PRDM5: variants seen among roughly 807,000 people sequenced by gnomAD.
PRDM5 encodes PR/SET domain 5.
Under a neutral mutation model 81.2 loss-of-function variants are expected in PRDM5, and 56 were observed. The observed-to-expected ratio is 0.69, with a 90% confidence interval of 0.56 to 0.86. The LOEUF is 0.86. Ranked by LOEUF, PRDM5 falls within the 40% of genes least tolerant of loss-of-function variation. The probability of loss-of-function intolerance (pLI) is 0.00; values close to 1 mark genes in which losing one functional copy is unlikely to be tolerated. For synonymous variants in PRDM5, 267 were observed against 256.4 expected, an observed-to-expected ratio of 1.04 and a Z score of -0.39; for missense variants, 697 against 770.1, an observed-to-expected ratio of 0.91 and a Z score of 1.12.
chr4:120,804,655 G>A (rs1752646881), intron 8 of PRDM5, among the ~76,000 whole-genome samples: 1 of 152,150 alleles, frequency 6.6e-6, no homozygotes, highest in Non-Finnish European at 1.5e-5. Flanking sequence ...AAACCAAAGA[G>A]AACAAAGACA....
At chr4:120,686,763 C>T (rs903116318) in intron 1 of PRDM5, among the ~76,000 whole-genome samples, 1 of 152,032 alleles carries the variant, frequency 6.6e-6, no homozygotes, top group Middle Eastern at 3.4e-3. Flanking sequence ...GTTTTACTTA[C>T]TTTTCTGACT....
At chr4:120,708,663 C>A (rs1294943494) in intron 15 of PRDM5, among the ~76,000 whole-genome samples, 1 of 152,032 alleles carries the variant, frequency 6.6e-6, no homozygotes, top group African/African-American at 2.4e-5. Context: ...TAAAAAAATG[C>A]AGCACCTTGG....
rs530469712 is a variant in PRDM5, at chr4:120,697,860, T to G, written c.1729-2585A>C. Among the ~76,000 whole-genome samples, 9 of 151,182 alleles carry G rather than the reference T, an allele frequency of 6.0e-5. No individual in the cohort carries two copies. In the South Asian group the frequency reaches 1.7e-3, roughly 28 times the overall value. On this transcript the variant is annotated intron_variant, in intron 15 of 15. Coordinates refer to ENST00000264808, the MANE Select transcript of PRDM5 (RefSeq NM_018699.4). Reference sequence around the variant, plus strand: ...AAATACTTAAAGGCAAGAAGAAACATAGAGAAAAGAAAGCAGAATAATAAG... The same window carrying G: ...AAATACTTAAAGGCAAGAAGAAACAGAGAGAAAAGAAAGCAGAATAATAAG...
chr4:120,860,757 C>CT (rs1471768929), intron 2 of PRDM5, among the ~76,000 whole-genome samples: 4 of 152,202 alleles, frequency 2.6e-5, no homozygotes, highest in Admixed American at 2.6e-4. Context: ...TATTTGTTTA[C>CT]TTTTTATTTT....
intron 3 of PRDM5, among the ~76,000 whole-genome samples, chr4:120,829,346 C>G (rs1217119809): frequency 6.6e-6 from 1 of 152,022 alleles, no homozygotes; most frequent in East Asian, 1.9e-4. Context: ...GATATCTAGG[C>G]AATAAATCTA....
chr4:120,871,038 C>G (rs1051747950), intron 2 of PRDM5, among the ~76,000 whole-genome samples: 4 of 152,174 alleles, frequency 2.6e-5, no homozygotes, highest in African/African-American at 7.2e-5. Flanking sequence ...CTCCCGCCAT[C>G]ATCCAGCCTA....
intron 13 of PRDM5, among the ~76,000 whole-genome samples, chr4:120,756,323 G>T (rs1215433838): frequency 1.3e-5 from 2 of 151,920 alleles, no homozygotes; most frequent in African/African-American, 4.8e-5. Context: ...TTATCCTTTG[G>T]TCTTATGCAT....
intron 13 of PRDM5, among the ~76,000 whole-genome samples, chr4:120,758,437 G>A (rs982716987): frequency 6.6e-6 from 1 of 152,122 alleles, no homozygotes; most frequent in Non-Finnish European, 1.5e-5. Flanking sequence ...TGTTGCAAAC[G>A]TTACTGGAGT....
At chr4:120,878,047 T>C (rs1456549036) in intron 2 of PRDM5, among the ~76,000 whole-genome samples, 2 of 152,234 alleles carry the variant, frequency 1.3e-5, no homozygotes, top group Non-Finnish European at 2.9e-5. Context: ...ACAGATATTA[T>C]ACGTCCATAT....
chr4:120,695,674 CTA>C (rs1734442263), intron 15 of PRDM5, among the ~76,000 whole-genome samples: 2 of 152,108 alleles, frequency 1.3e-5, no homozygotes, highest in Admixed American at 1.3e-4. Flanking sequence ...TTATTACACA[CTA>C]TTTCTTTTTT....
Position 120,702,556 on chromosome 4 carries a change from G to A in PRDM5, c.1729-7281C>T, listed in dbSNP as rs1210102325. On this transcript the variant is annotated intron_variant, in intron 15 of 15. Coordinates refer to ENST00000264808, the MANE Select transcript of PRDM5 (RefSeq NM_018699.4). The stretch of plus-strand genomic sequence containing the variant: ...CCTTGCTAAACTAAGGAACATGAGG[G>A]CAAGAGTAGCCACTACATAAAAATT... Among the ~76,000 whole-genome samples the A allele has an allele frequency of 2.0e-5, 3 of 152,062 alleles. 1 individual carries two copies. The highest frequency in any genetic ancestry group is 2.0e-4 in the Admixed American group (3 of 15,260).
chr4:120,800,802 T>A (rs1752022568), intron 8 of PRDM5, among the ~76,000 whole-genome samples: 1 of 152,158 alleles, frequency 6.6e-6, no homozygotes, highest in Non-Finnish European at 1.5e-5. Flanking sequence ...GTGTATCTCA[T>A]CACATTATGT....
intron 8 of PRDM5, among the ~76,000 whole-genome samples, chr4:120,802,759 A>G (rs1208712404): frequency 1.3e-5 from 2 of 152,170 alleles, no homozygotes; most frequent in Non-Finnish European, 2.9e-5. Flanking sequence ...ATGGGGAAAA[A>G]AGCAGAGCAG....
intron 8 of PRDM5, among the ~76,000 whole-genome samples, chr4:120,808,774 C>A (rs774712855): frequency 6.6e-6 from 1 of 152,220 alleles, no homozygotes; most frequent in South Asian, 2.1e-4. Flanking sequence ...TAGCTAAGGC[C>A]CTGTGAGAAA....
At chr4:120,759,743 G>A (rs12502113) in intron 13 of PRDM5, among the ~76,000 whole-genome samples, 13,246 of 152,140 alleles carry the variant, frequency 0.087, 756 homozygotes, top group East Asian at 0.21. Context: ...TTCAAATAAC[G>A]ACTATGTTTT....
Position 120,869,388 on chromosome 4 carries a change from G to A in PRDM5, c.178-15848C>T, listed in dbSNP as rs72923530. Among the ~76,000 whole-genome samples the A allele has an allele frequency of 2.0e-3, 298 of 152,244 alleles. 1 individual carries two copies. The highest frequency in any genetic ancestry group is 6.9e-3 in the African/African-American group (285 of 41,548). On this transcript the variant is annotated intron_variant, in intron 2 of 15. Transcript: ENST00000264808. The stretch of plus-strand genomic sequence containing the variant: ...CAATGTAGTTACATTCATGCAAGTG[G>A]TTTTCACTTGTAGAAAATACAATAC...
At chr4:120,802,488 G>C (rs2149295445) in intron 8 of PRDM5, among the ~76,000 whole-genome samples, 1 of 152,348 alleles carries the variant, frequency 6.6e-6, no homozygotes, top group South Asian at 2.1e-4. Context: ...CACATGGCCA[G>C]GTACCCCTCT....
chr4:120,914,804 A>C (rs527788106), intron 1 of PRDM5, among the ~76,000 whole-genome samples: 2 of 152,316 alleles, frequency 1.3e-5, no homozygotes, highest in East Asian at 3.9e-4. Context: ...TATATACACA[A>C]TGTAATACTA....
chr4:120,780,659 G>A (rs888386144), intron 12 of PRDM5, among the ~76,000 whole-genome samples: 20 of 152,048 alleles, frequency 1.3e-4, no homozygotes, highest in African/African-American at 4.1e-4. Flanking sequence ...AGTATTTATC[G>A]AGTCCCCATT....
Sources: allele counts gnomAD v4.1 joint callset (sites outside exome capture counted in the v4.1 genomes callset), GRCh38; gene constraint gnomAD v4.1.1; transcripts MANE v1.5; gene names NCBI Gene and HGNC (gene_info 2026-07-23, HGNC 2026-07-21).